PRKCA: variants seen among roughly 807,000 people sequenced by gnomAD.
The protein encoded by PRKCA is protein kinase C alpha type.
PRKCA carries 27 observed loss-of-function variants against 87.0 expected under a neutral mutation model. The ratio of observed to expected loss-of-function variants is 0.31; its 90% CI spans 0.23 to 0.43. The LOEUF is 0.43. Among genes scored for constraint, PRKCA ranks in the 20% least tolerant of loss-of-function variants. PRKCA has a pLI of 1.00. For missense variants in PRKCA, 518 were observed against 852.3 expected, an observed-to-expected ratio of 0.61 and a Z score of 4.88; for synonymous variants, 329 against 311.1, an observed-to-expected ratio of 1.06 and a Z score of -0.61.
At chr17:66,683,193 T>TACCTTCCATTTATGGCA (rs1166464397) in intron 5 of PRKCA, among the ~76,000 whole-genome samples, 5 of 152,260 alleles carry the variant, frequency 3.3e-5, no homozygotes, top group African/African-American at 1.2e-4. Flanking sequence ...CTTTTATGGT[T>TACCTTCCATTTATGGCA]ACCTTCCATT....
At chr17:66,667,303 C>T (rs536920320) in intron 5 of PRKCA, among the ~76,000 whole-genome samples, 3 of 152,270 alleles carry the variant, frequency 2.0e-5, no homozygotes, top group South Asian at 2.1e-4. Context: ...TGTATTCATC[C>T]GTTCTTACAC....
At chr17:66,666,613 A>G (rs570194531) in intron 5 of PRKCA, among the ~76,000 whole-genome samples, 19 of 152,312 alleles carry the variant, frequency 1.2e-4, no homozygotes, top group African/African-American at 4.3e-4. Flanking sequence ...CTACTACCCA[A>G]GGAAGGGAGA....
At chr17:66,412,755 C>T (rs770615471) in intron 2 of PRKCA, 4 of 152,206 alleles carry the variant, frequency 2.6e-5, no homozygotes, top group Non-Finnish European at 5.9e-5. Flanking sequence ...CCTTCCTCTT[C>T]CTCTGATCTG....
At chr17:66,724,187 T>C (rs1348704012) in intron 8 of PRKCA, among the ~76,000 whole-genome samples, 1 of 152,044 alleles carries the variant, frequency 6.6e-6, no homozygotes, top group African/African-American at 2.4e-5. Context: ...GCCCAGCTAC[T>C]TGGGAAGCTT....
At chr17:66,388,404 C>T (rs1303160131) in intron 2 of PRKCA, among the ~76,000 whole-genome samples, 1 of 151,952 alleles carries the variant, frequency 6.6e-6, no homozygotes, top group African/African-American at 2.4e-5. Flanking sequence ...AAGCGATTCT[C>T]TTGCTTCAGC....
At chr17:66,670,761 C>T (rs2143947621) in intron 5 of PRKCA, among the ~76,000 whole-genome samples, 1 of 152,058 alleles carries the variant, frequency 6.6e-6, no homozygotes, top group South Asian at 2.1e-4. Context: ...ACTCGGGAGG[C>T]TGAGGTAGGA....
intron 3 of PRKCA, among the ~76,000 whole-genome samples, chr17:66,539,856 A>G (rs1967920204): frequency 6.6e-6 from 1 of 152,232 alleles, no homozygotes; most frequent in Non-Finnish European, 1.5e-5. Context: ...ACACCAAATG[A>G]ATGCAGTGTG....
chr17:66,773,209 A>G (rs1266278148), intron 13 of PRKCA, among the ~76,000 whole-genome samples: 2 of 152,190 alleles, frequency 1.3e-5, no homozygotes, highest in Non-Finnish European at 2.9e-5. Context: ...GTATCATCTG[A>G]CATCCAGATT....
intron 2 of PRKCA, among the ~76,000 whole-genome samples, chr17:66,341,632 T>A (rs954297580): frequency 2.0e-5 from 3 of 152,226 alleles, no homozygotes; most frequent in Non-Finnish European, 4.4e-5. Context: ...AGAAAGGGAC[T>A]GTTTTCAGAT....
At chr17:66,784,983 C>T (rs1205940641) in intron 14 of PRKCA, among the ~76,000 whole-genome samples, 1 of 152,220 alleles carries the variant, frequency 6.6e-6, no homozygotes, top group Non-Finnish European at 1.5e-5. Flanking sequence ...CTCATTTTAG[C>T]TCTCTTCACC....
intron 13 of PRKCA, among the ~76,000 whole-genome samples, chr17:66,757,752 T>A (rs1433274429): frequency 6.6e-6 from 1 of 152,164 alleles, no homozygotes; most frequent in Non-Finnish European, 1.5e-5. Context: ...TGAGATGTAG[T>A]CTTGCTCTGT....
chr17:66,435,114 A>G (rs953873824), intron 2 of PRKCA, among the ~76,000 whole-genome samples: 4 of 152,180 alleles, frequency 2.6e-5, no homozygotes, highest in African/African-American at 4.8e-5. Context: ...GGCTTTTACC[A>G]TGGGGTCTAA....
chr17:66,437,743 G>T (rs562028531), intron 2 of PRKCA, among the ~76,000 whole-genome samples: 1 of 85,580 alleles, frequency 1.2e-5, no homozygotes, highest in Non-Finnish European at 2.6e-5. Flanking sequence ...AGCGGGGGGT[G>T]GGTGGGGCGG....
chr17:66,418,226 T>TTG (rs1912273141), intron 2 of PRKCA, among the ~76,000 whole-genome samples: 2 of 152,082 alleles, frequency 1.3e-5, no homozygotes, highest in African/African-American at 2.4e-5. Flanking sequence ...AACTGCCTAC[T>TTG]TGTGTGTGTG....
At chr17:66,518,543 G>C (rs1051701463) in intron 3 of PRKCA, among the ~76,000 whole-genome samples, 45 of 152,254 alleles carry the variant, frequency 3.0e-4, no homozygotes, top group African/African-American at 1.1e-3. Context: ...CTACCAGAAA[G>C]GTTTGTTCTA....
At chr17:66,563,230 G>A (rs1968771356) in intron 3 of PRKCA, among the ~76,000 whole-genome samples, 1 of 152,116 alleles carries the variant, frequency 6.6e-6, no homozygotes, top group South Asian at 2.1e-4. Context: ...TCTTGGTAGT[G>A]TATAGTCTGT....
At chr17:66,627,086 C>T (rs533547872) in intron 3 of PRKCA, among the ~76,000 whole-genome samples, 1 of 152,314 alleles carries the variant, frequency 6.6e-6, no homozygotes, top group South Asian at 2.1e-4. Flanking sequence ...TTTAACACAA[C>T]TGTCTGCTAC....
chr17:66,324,053 T>C (rs1905833681), intron 2 of PRKCA, among the ~76,000 whole-genome samples: 1 of 152,084 alleles, frequency 6.6e-6, no homozygotes, highest in Non-Finnish European at 1.5e-5. Context: ...CAACACAAGA[T>C]TAAAATTGGG....
rs376227848 is a variant in PRKCA, at chr17:66,314,875, A to ATATGTG, written c.205+8749_205+8750insATGTGT. Among the ~76,000 whole-genome samples, 191 of 148,664 alleles carry ATATGTG rather than the reference A, an allele frequency of 1.3e-3. 2 individuals are homozygous for ATATGTG. The highest frequency in any genetic ancestry group is 5.2e-3 in the South Asian group (24 of 4,610). Reference sequence around the variant, plus strand: ...TCTCTCTCTCTCTAGATATATATATATGTGTGTGTGTGTGTGTGTGTGTGT... The same window carrying ATATGTG: ...TCTCTCTCTCTCTAGATATATATATATATGTGTGTGTGTGTGTGTGTGTGTGTGTGT... On this transcript the variant is annotated intron_variant, in intron 2 of 16. Transcript: ENST00000413366.
Sources: gnomAD v4.1 joint callset for allele counts (sites outside exome capture counted in the v4.1 genomes callset) on GRCh38, gnomAD v4.1.1 for gene constraint, MANE v1.5 for transcripts, NCBI Gene and HGNC (gene_info 2026-07-23, HGNC 2026-07-21) for gene names.